The following ADGRG4 variants were observed in gnomAD, a reference collection of about 807,000 sequenced individuals.
ADGRG4 encodes the protein G protein-coupled receptor 112.
A neutral mutation model predicts 126.2 loss-of-function variants in ADGRG4; 122 were observed. The ratio of observed to expected loss-of-function variants is 0.97; its 90% confidence interval spans 0.83 to 1.12. ADGRG4 has a LOEUF of 1.12. Among genes scored for constraint, ADGRG4 ranks in the 50% most tolerant of loss-of-function variants. The probability of loss-of-function intolerance (pLI) is 0.00; values close to 1 mark genes in which losing one functional copy is unlikely to be tolerated. For synonymous variants in ADGRG4, 943 were observed against 838.7 expected (o/e 1.12, Z -2.15); for missense variants, 2,481 against 2,251.8 (o/e 1.10, Z -2.06).
intron 4 of ADGRG4, 132 bp from the exon 5 acceptor site, chrX:136,322,646 G>A: frequency 2.1e-6 from 1 of 487,735 alleles, no homozygotes; most frequent in Admixed American, 4.4e-5. Flanking sequence ...TACTATTTTT[G>A]TTTATTTGCA....
intron 13 of ADGRG4, among the ~76,000 whole-genome samples, chrX:136,364,648 TACTC>T (rs1432504742): frequency 8.9e-6 from 1 of 111,800 alleles, no homozygotes; most frequent in Non-Finnish European, 1.9e-5. Flanking sequence ...TTTTTAAAAA[TACTC>T]ACATGTTTGA....
In ADGRG4 at chrX:136,395,432, A is replaced by T; in HGVS notation, c.8123A>T (p.Glu2708Val). 8.3e-7 allele frequency: 1 copy of T among 1,202,659 alleles called. No homozygotes were observed. The highest frequency in any genetic ancestry group is 3.0e-5 in the East Asian group (1 of 33,684). Reference protein sequence around the residue: ...GWNSSGCKVKETNVNYTICQC... With the variant: ...GWNSSGCKVKVTNVNYTICQC... Reference sequence around the variant, plus strand: ...AATTCGTCAGGCTGTAAAGTAAAGGAAACAAATGTAAATTACACAATCTGT... The same window carrying T: ...AATTCGTCAGGCTGTAAAGTAAAGGTAACAAATGTAAATTACACAATCTGT... Residue 2708 changes from glutamate (E) to valine (V), a missense_variant, in exon 19 of 26, where the codon GAA becomes GTA. Coordinates refer to ENST00000394143, the MANE Select transcript of ADGRG4 (RefSeq NM_153834.4).
chrX:136,314,898 A>AT (rs780042414), intron 4 of ADGRG4, among the ~76,000 whole-genome samples: 103 of 111,458 alleles, frequency 9.2e-4, no homozygotes, highest in Non-Finnish European at 1.2e-3. Context: ...AAGGACATCT[A>AT]TTTTTTTGGG....
At chrX:136,322,063 C>T (rs991976755) in intron 4 of ADGRG4, among the ~76,000 whole-genome samples, 2 of 111,623 alleles carry the variant, frequency 1.8e-5, no homozygotes, top group Non-Finnish European at 3.8e-5. Flanking sequence ...TCAACCCAGG[C>T]TGTCTGACTC....
intron 5 of ADGRG4, among the ~76,000 whole-genome samples, chrX:136,336,526 G>T (rs2074949186): frequency 9.0e-6 from 1 of 111,515 alleles, no homozygotes; most frequent in African/African-American, 3.3e-5. Context: ...AGGCTCTGTT[G>T]TTTGATATGT....
chrX:136,378,066 TG>T lies in ADGRG4; in HGVS notation c.7776+5005del, dbSNP rs1156284058. Among the ~76,000 whole-genome samples the T allele has an allele frequency of 3.6e-5, 4 of 111,367 alleles. No homozygotes were observed. In the East Asian group the frequency reaches 8.4e-4, roughly 23 times the overall value. On this transcript the variant is annotated intron_variant, in intron 15 of 25. Coordinates refer to ENST00000394143, the MANE Select transcript of ADGRG4 (RefSeq NM_153834.4). ...TTGAGTTGAAGTTATTGGTCAATTTTGGGAGAATTTATTTCTTAGTAATATT... is the reference window on the plus strand; with the variant it reads ...TTGAGTTGAAGTTATTGGTCAATTTTGGAGAATTTATTTCTTAGTAATATT...
At chrX:136,336,242 T>C (rs1264545964) in intron 5 of ADGRG4, among the ~76,000 whole-genome samples, 1 of 111,414 alleles carries the variant, frequency 9.0e-6, no homozygotes. Flanking sequence ...TTCAGTTCCT[T>C]TAAATGAGGT....
At chrX:136,329,043 T>G (rs1225011975) in intron 5 of ADGRG4, among the ~76,000 whole-genome samples, 1 of 110,665 alleles carries the variant, frequency 9.0e-6, no homozygotes. Flanking sequence ...GACACCACTT[T>G]GAAAAAAAAA....
At chrX:136,302,585 G>A (rs147610393) in intron 1 of ADGRG4, among the ~76,000 whole-genome samples, 115 of 111,932 alleles carry the variant, frequency 1.0e-3, no homozygotes, top group Middle Eastern at 9.3e-3. Context: ...AATGTGACCT[G>A]TTCCAACTTT....
In ADGRG4 at chrX:136,348,929, T is replaced by C; in HGVS notation, c.5223T>C (p.Tyr1741=). The change falls in exon 6 of 26, where the codon TAT becomes TAC. Residue 1741 remains tyrosine (Y), a synonymous_variant. Transcript: ENST00000394143. The part of the protein sequence containing the change: ...SGTGVALTDT[Y]SRITVPENML... ...CAGGGGTAGCTCTCACAGATACTTA[T>C]TCCAGAATCACTGTTCCTGAAAATA... 5 of 1,207,295 alleles carry C rather than the reference T, an allele frequency of 4.1e-6. No individual in the cohort carries two copies. The highest frequency in any genetic ancestry group is 5.6e-6 in the Non-Finnish European group (5 of 892,073).
In ADGRG4 at chrX:136,387,891, G is replaced by C; in HGVS notation, c.7911+17G>C. 8.4e-7 allele frequency: 1 copy of C among 1,190,740 alleles called. No homozygotes were observed. The highest frequency in any genetic ancestry group is 3.0e-5 in the East Asian group (1 of 33,608). ...CTCTTTAAGGTAAATTCTTGCCTGT[G>C]GTAACTGTGATGAACTGGCATATGG... On this transcript the variant is annotated intron_variant, in intron 16 of 25. Transcript: ENST00000394143.
rs748551639 is a variant in ADGRG4, at chrX:136,350,456, G to GT, written c.6727+24dup. 2.6e-6 allele frequency: 3 copies of GT among 1,175,239 alleles called. No individual in the cohort carries two copies. The African/African-American group carries it at 5.3e-5, about 21-fold the overall frequency. On this transcript the variant is annotated intron_variant, in intron 6 of 25. Transcript: ENST00000394143. ...CAGGTACTGCTCCATAATGCATGTGGTGTAGCCCCAACAGAATTCATGCAC... is the reference window on the plus strand; with the variant it reads ...CAGGTACTGCTCCATAATGCATGTGGTTGTAGCCCCAACAGAATTCATGCAC...
chrX:136,413,383 C>T (rs2148503643), intron 24 of ADGRG4, among the ~76,000 whole-genome samples: 1 of 110,249 alleles, frequency 9.1e-6, no homozygotes, highest in East Asian at 2.8e-4. Context: ...ATGATGATTT[C>T]CAATTTCATC....
Position 136,346,959 on chromosome X carries a change from A to T in ADGRG4, c.3253A>T (p.Ile1085Phe). 8.3e-7 allele frequency: 1 copy of T among 1,210,910 alleles called. No homozygotes were observed. The highest frequency in any genetic ancestry group is 1.1e-6 in the Non-Finnish European group (1 of 894,855). The change falls in exon 6 of 26, where the codon ATT becomes TTT. Residue 1085 changes from isoleucine to phenylalanine, a missense_variant. Transcript: ENST00000394143. ...TATTGTGCCTACCCATGGAGACTTG[A>T]TTCGTACCACTTCAGAGGCCACGGT... ...IVIVPTHGDL[I>F]RTTSEATVIS...
At position 136,336,364 on chromosome X, in the gene ADGRG4, T is replaced by C. The variant is rs1027781887; in HGVS notation, c.686-8028T>C. ...AGTGCTCTATATCAACTAAAGTCTGTTGATTGTGTTGTTCAGAACTTCTAT... is the reference window on the plus strand; with the variant it reads ...AGTGCTCTATATCAACTAAAGTCTGCTGATTGTGTTGTTCAGAACTTCTAT... On this transcript the variant is annotated intron_variant, in intron 5 of 25. Transcript: ENST00000394143. Among the ~76,000 whole-genome samples the C allele has an allele frequency of 4.5e-5, 5 of 111,751 alleles. 1 individual carries two copies. Among genetic ancestry groups the C allele is most frequent in the Non-Finnish European group, 9.4e-5 (5 of 53,150 alleles).
At chrX:136,356,073 A>G in intron 8 of ADGRG4, 53 bp from the exon 9 acceptor site, 5 of 947,445 alleles carry the variant, frequency 5.3e-6, no homozygotes, top group South Asian at 4.3e-5. Flanking sequence ...CATGCCCTGT[A>G]TACTTGGTAC....
intron 15 of ADGRG4, among the ~76,000 whole-genome samples, chrX:136,380,204 T>C (rs150040235): frequency 0.011 from 1,170 of 107,162 alleles, 8 homozygotes; most frequent in Middle Eastern, 0.02. Flanking sequence ...AAAAGTGACA[T>C]GTAAAATCTA....
chrX:136,372,989 T>A lies in ADGRG4; in HGVS notation c.7701T>A (p.Ala2567=). Residue 2567 remains alanine (A), a synonymous_variant, in exon 15 of 26, where the codon GCT becomes GCA. Transcript: ENST00000394143. ...TGACGGTGGCCGGGCTGGCTTTGGC[T>A]GTGCTGCGGGGGGACCACACGTTTG... ...ANLTVAGLAL[A]VLRGDHTFDG... 8.3e-7 allele frequency: 1 copy of A among 1,211,285 alleles called. No individual in the cohort carries two copies. Among genetic ancestry groups the A allele is most frequent in the Non-Finnish European group, 1.1e-6 (1 of 895,154 alleles).
intron 16 of ADGRG4, 117 bp from the exon 17 acceptor site, chrX:136,392,115 A>G (rs1261677778): frequency 1.7e-6 from 1 of 599,345 alleles, no homozygotes; most frequent in Non-Finnish European, 2.4e-6. Flanking sequence ...TTGCAATTTT[A>G]TTTTCCACAT....
Sources: allele counts gnomAD v4.1 joint callset (sites outside exome capture counted in the v4.1 genomes callset), GRCh38; gene constraint gnomAD v4.1.1; transcripts MANE v1.5; gene names NCBI Gene and HGNC (gene_info 2026-07-23, HGNC 2026-07-21).